The following ARHGAP10 variants were observed in gnomAD, a reference collection of about 807,000 sequenced individuals.
ARHGAP10 encodes the protein Rho GTPase activating protein 10.
ARHGAP10 carries 87 observed loss-of-function variants against 108.6 expected under a neutral mutation model. That is an observed-to-expected ratio of 0.80 (90% CI 0.67 to 0.96). The LOEUF is 0.96. ARHGAP10 is among the 40% of genes least tolerant of loss of function. The pLI is 0.00. For missense variants in ARHGAP10, 939 were observed against 954.5 expected (o/e 0.98, Z 0.21); for synonymous variants, 347 against 341.1 (o/e 1.02, Z -0.19).
At chr4:147,849,232 TCTG>T (rs921516105) in intron 4 of ARHGAP10, among the ~76,000 whole-genome samples, 14 of 149,968 alleles carry the variant, frequency 9.3e-5, no homozygotes, top group Admixed American at 4.6e-4. Context: ...TTTAAAAGAC[TCTG>T]CTTTTTTTTT....
At chr4:147,775,360 A>T (rs1730241725) in intron 1 of ARHGAP10, among the ~76,000 whole-genome samples, 1 of 152,202 alleles carries the variant, frequency 6.6e-6, no homozygotes. Flanking sequence ...GCTGAGGCTA[A>T]TGGAGGTGGT....
intron 3 of ARHGAP10, among the ~76,000 whole-genome samples, chr4:147,827,967 A>G (rs1308953509): frequency 2.6e-5 from 4 of 152,050 alleles, no homozygotes; most frequent in African/African-American, 9.7e-5. Context: ...CACCACGCCC[A>G]GCTCATTTTT....
intron 1 of ARHGAP10, among the ~76,000 whole-genome samples, chr4:147,815,971 G>A (rs574962705): frequency 4.6e-5 from 7 of 152,188 alleles, no homozygotes; most frequent in African/African-American, 1.7e-4. Context: ...TGCATTTGTG[G>A]CAATTTGTTA....
At chr4:147,850,864 G>A (rs1344156575) in intron 4 of ARHGAP10, among the ~76,000 whole-genome samples, 4 of 152,140 alleles carry the variant, frequency 2.6e-5, no homozygotes, top group African/African-American at 9.7e-5. Context: ...ATTGCCAAAT[G>A]TCCCACAGGA....
At chr4:148,005,151 C>T (rs1355609539) in intron 18 of ARHGAP10, among the ~76,000 whole-genome samples, 1 of 152,224 alleles carries the variant, frequency 6.6e-6, no homozygotes, top group Non-Finnish European at 1.5e-5. Flanking sequence ...ACATTTATGC[C>T]TCAGGGTCTT....
At chr4:148,001,764 G>A (rs1396087807) in intron 18 of ARHGAP10, among the ~76,000 whole-genome samples, 1 of 152,184 alleles carries the variant, frequency 6.6e-6, no homozygotes, top group African/African-American at 2.4e-5. Context: ...CATCGATTTT[G>A]TATCCTGAGA....
intron 7 of ARHGAP10, among the ~76,000 whole-genome samples, chr4:147,872,160 G>T (rs978582601): frequency 2.0e-5 from 3 of 151,170 alleles, no homozygotes; most frequent in African/African-American, 7.3e-5. Flanking sequence ...CTCTGAGGAA[G>T]TTGGGTGGTG....
At chr4:148,007,516 A>G (rs1394396432) in intron 18 of ARHGAP10, among the ~76,000 whole-genome samples, 3 of 152,184 alleles carry the variant, frequency 2.0e-5, no homozygotes, top group Admixed American at 6.5e-5. Context: ...GGGGATGGGT[A>G]TGTATTTTCT....
At chr4:147,781,817 G>T (rs1462678757) in intron 1 of ARHGAP10, among the ~76,000 whole-genome samples, 2 of 151,608 alleles carry the variant, frequency 1.3e-5, no homozygotes, top group African/African-American at 4.9e-5. Flanking sequence ...GTTATTATAA[G>T]TGATAGCAAA....
chr4:148,010,684 T>C (rs1311208144), intron 18 of ARHGAP10, among the ~76,000 whole-genome samples: 4 of 152,202 alleles, frequency 2.6e-5, no homozygotes, highest in Non-Finnish European at 4.4e-5. Flanking sequence ...AATACTGTTA[T>C]CTATATATCA....
Position 147,746,143 on chromosome 4 carries a change from C to T in ARHGAP10, c.154+13688C>T, listed in dbSNP as rs139414418. ...ATTTTGAGACAGAGTCTCACTCTGTCGCCAGGCTGGAGTGCTGTGGCGTGA... is the reference window on the plus strand; with the variant it reads ...ATTTTGAGACAGAGTCTCACTCTGTTGCCAGGCTGGAGTGCTGTGGCGTGA... On this transcript the variant is annotated intron_variant, in intron 1 of 22. Transcript: ENST00000336498. Among the ~76,000 whole-genome samples the T allele has an allele frequency of 4.1e-3, 625 of 150,726 alleles. 7 individuals are homozygous for T. The highest frequency in any genetic ancestry group is 0.031 in the East Asian group (157 of 5,056).
intron 16 of ARHGAP10, among the ~76,000 whole-genome samples, chr4:147,957,662 G>A (rs1263244188): frequency 6.6e-6 from 1 of 152,144 alleles, no homozygotes; most frequent in African/African-American, 2.4e-5. Context: ...CATCTGTTCT[G>A]TGGTGATGAG....
intron 1 of ARHGAP10, among the ~76,000 whole-genome samples, chr4:147,783,503 T>C (rs951335286): frequency 4.7e-5 from 7 of 147,916 alleles, no homozygotes; most frequent in African/African-American, 1.7e-4. Context: ...AAATTATGTA[T>C]TGTATAATTT....
At chr4:147,952,866 CT>C (rs1738657329) in intron 15 of ARHGAP10, among the ~76,000 whole-genome samples, 1 of 151,754 alleles carries the variant, frequency 6.6e-6, no homozygotes, top group African/African-American at 2.4e-5. Context: ...TTGTTTTCTT[CT>C]GTAAGTTTTA....
intron 17 of ARHGAP10, 109 bp from the exon 18 acceptor site, chr4:147,966,571 A>T: frequency 2.9e-6 from 3 of 1,027,058 alleles, no homozygotes; most frequent in Non-Finnish European, 4.1e-6. Context: ...GAGGGTGGTT[A>T]AGTCTCTTGA....
rs112579754 is a variant in ARHGAP10 at position 147,954,520 on chromosome 4, T to G, written c.1392-796T>G. On this transcript the variant is annotated intron_variant, in intron 15 of 22. Transcript: ENST00000336498. ...TTTTGTTTGTGCATCTTTGATTTTTTTTTTAAACATTTGAAGCAGAATTTC... is the reference window on the plus strand; with the variant it reads ...TTTTGTTTGTGCATCTTTGATTTTTGTTTTAAACATTTGAAGCAGAATTTC... Among the ~76,000 whole-genome samples, 6 of 152,208 alleles carry G rather than the reference T, an allele frequency of 3.9e-5. 2 individuals carry two copies. Among genetic ancestry groups the G allele is most frequent in the African/African-American group, 1.4e-4 (6 of 41,580 alleles).
At chr4:147,951,625 T>TA (rs1410267402) in intron 15 of ARHGAP10, among the ~76,000 whole-genome samples, 28 of 150,870 alleles carry the variant, frequency 1.9e-4, no homozygotes, top group Admixed American at 1.1e-3. Context: ...TTCAAAACAT[T>TA]AAAAAAAAAT....
At chr4:147,797,887 A>G (rs1025740692) in intron 1 of ARHGAP10, among the ~76,000 whole-genome samples, 2 of 152,106 alleles carry the variant, frequency 1.3e-5, no homozygotes, top group Non-Finnish European at 2.9e-5. Flanking sequence ...ATCCCATCTC[A>G]TCTAGCTCAT....
chr4:147,877,819 C>CTTTTTTTTTTTTTTTTTTTTTT lies in ARHGAP10; in HGVS notation c.833-1398_833-1397insTTTTTTTTTTTTTTTTTTTTTT, dbSNP rs549355620. ...AGTCTTAGATTTCTTATTCTTCATA[C>CTTTTTTTTTTTTTTTTTTTTTT]TTTTTTTTTTTTTTTGCTGAGATTA... On this transcript the variant is annotated intron_variant, in intron 8 of 22. Coordinates refer to ENST00000336498, the MANE Select transcript of ARHGAP10 (RefSeq NM_024605.4). 3.0e-4 allele frequency among the ~76,000 whole-genome samples: 39 copies of CTTTTTTTTTTTTTTTTTTTTTT among 131,436 alleles called. 1 individual carries two copies. The highest frequency in any genetic ancestry group is 1.0e-3 in the African/African-American group (33 of 31,784). The allele number at this position is 131,436 out of a possible 152,430, so 86.2% of individuals were successfully genotyped here.
Sources: allele counts gnomAD v4.1 joint callset (sites outside exome capture counted in the v4.1 genomes callset), GRCh38; gene constraint gnomAD v4.1.1; transcripts MANE v1.5; gene names NCBI Gene and HGNC (gene_info 2026-07-23, HGNC 2026-07-21).